GPM6A: variants seen among roughly 807,000 people sequenced by gnomAD.
The protein encoded by GPM6A is neuronal membrane glycoprotein M6-a.
GPM6A carries 7 observed loss-of-function variants against 32.1 expected under a neutral mutation model. The observed-to-expected ratio is 0.22, with a 90% CI of 0.12 to 0.41. GPM6A has a LOEUF of 0.41. GPM6A is among the 10% of genes least tolerant of loss of function. The pLI is 1.00. For missense variants in GPM6A, 235 were observed against 347.2 expected, an observed-to-expected ratio of 0.68 and a Z score of 2.57; for synonymous variants, 130 against 123.4, an observed-to-expected ratio of 1.05 and a Z score of -0.35.
chr4:175,909,458 TTAATA>T (rs999086807), intron 1 of GPM6A, among the ~76,000 whole-genome samples: 2 of 152,170 alleles, frequency 1.3e-5, no homozygotes, highest in Non-Finnish European at 2.9e-5. Context: ...TAAACTGTTA[TTAATA>T]TATTTGTTTA....
chr4:175,842,174 A>G (rs1735957827), intron 1 of GPM6A, among the ~76,000 whole-genome samples: 1 of 152,144 alleles, frequency 6.6e-6, no homozygotes, highest in African/African-American at 2.4e-5. Flanking sequence ...TTTGTACAGA[A>G]TTCCTTTTTC....
At chr4:175,986,808 C>G (rs1229500013) in intron 1 of GPM6A, among the ~76,000 whole-genome samples, 1 of 152,118 alleles carries the variant, frequency 6.6e-6, no homozygotes, top group African/African-American at 2.4e-5. Flanking sequence ...AAGAGCCCCA[C>G]CCCCTAATTG....
intron 6 of GPM6A, among the ~76,000 whole-genome samples, chr4:175,637,286 T>A (rs1334319871): frequency 3.5e-5 from 1 of 28,644 alleles, no homozygotes; most frequent in African/African-American, 1.2e-4. Context: ...ATATATTATA[T>A]AAAATATATA....
In GPM6A at chr4:175,795,139, T is replaced by C. The variant is rs112369642; in HGVS notation, c.37+17052A>G. ...ATATAGAGGAAAGTGTGAAAGGCAT[T>C]AGTAATGACCTGTAAACTTCTAGCT... On this transcript the variant is annotated intron_variant, in intron 1 of 6. Transcript: ENST00000393658. Among the ~76,000 whole-genome samples, 1,483 of 152,256 alleles carry C rather than the reference T, an allele frequency of 9.7e-3. 20 individuals carry two copies. Among genetic ancestry groups the C allele is most frequent in the African/African-American group, 0.032 (1,333 of 41,536 alleles).
Position 175,719,966 on chromosome 4 carries a change from T to C in GPM6A, c.38-18199A>G, listed in dbSNP as rs574665399. On this transcript the variant is annotated intron_variant, in intron 1 of 6. Coordinates refer to ENST00000393658, the MANE Select transcript of GPM6A (RefSeq NM_201591.3). ...GTTATAGAAGAAACGTCGATTTTATTTGAACCAAGCATAAGCCTGTCATTT... is the reference window on the plus strand; with the variant it reads ...GTTATAGAAGAAACGTCGATTTTATCTGAACCAAGCATAAGCCTGTCATTT... Among the ~76,000 whole-genome samples, 23 of 152,318 alleles carry C rather than the reference T, an allele frequency of 1.5e-4. 1 individual carries two copies. Among genetic ancestry groups the C allele is most frequent in the African/African-American group, 5.3e-4 (22 of 41,586 alleles).
chr4:175,700,578 T>C (rs1744821708), intron 2 of GPM6A, among the ~76,000 whole-genome samples: 1 of 152,188 alleles, frequency 6.6e-6, no homozygotes. Flanking sequence ...GATTTGTAAA[T>C]CTAAAAGCAT....
intron 1 of GPM6A, among the ~76,000 whole-genome samples, chr4:175,722,773 G>A (rs1408640423): frequency 6.6e-6 from 1 of 152,092 alleles, no homozygotes; most frequent in Admixed American, 6.6e-5. Context: ...ACCAGCCGTC[G>A]TGGCTCATAC....
chr4:175,660,093 G>A (rs554201037), intron 3 of GPM6A, among the ~76,000 whole-genome samples: 1 of 152,024 alleles, frequency 6.6e-6, no homozygotes, highest in East Asian at 1.9e-4. Context: ...TTTTGGGGGA[G>A]AGCAAAATTA....
chr4:175,916,284 C>A (rs1277625472), intron 1 of GPM6A, among the ~76,000 whole-genome samples: 5 of 152,134 alleles, frequency 3.3e-5, no homozygotes, highest in Non-Finnish European at 7.4e-5. Flanking sequence ...TATACAAATA[C>A]AAAAGTCTAC....
At chr4:175,904,530 T>C (rs566070734) in intron 1 of GPM6A, among the ~76,000 whole-genome samples, 2 of 152,224 alleles carry the variant, frequency 1.3e-5, no homozygotes, top group African/African-American at 4.8e-5. Flanking sequence ...TTGAGATTTT[T>C]CTAAAAAAAT....
At chr4:175,975,561 A>G (rs893312945) in intron 1 of GPM6A, among the ~76,000 whole-genome samples, 3 of 152,236 alleles carry the variant, frequency 2.0e-5, no homozygotes, top group Non-Finnish European at 2.9e-5. Context: ...CAACCAAAAA[A>G]TCCAGACTTC....
chr4:175,858,279 C>T (rs1363284477), intron 1 of GPM6A, among the ~76,000 whole-genome samples: 1 of 152,102 alleles, frequency 6.6e-6, no homozygotes, highest in Non-Finnish European at 1.5e-5. Flanking sequence ...TGCCTGTAAT[C>T]CCAGCACTTT....
chr4:175,636,966 A>G (rs1241324747), intron 6 of GPM6A, among the ~76,000 whole-genome samples: 1 of 133,826 alleles, frequency 7.5e-6, no homozygotes, highest in Non-Finnish European at 1.6e-5. Flanking sequence ...GTATTTATAT[A>G]TATTTATATA....
At chr4:175,947,331 C>T (rs1322090608) in intron 1 of GPM6A, among the ~76,000 whole-genome samples, 7 of 151,862 alleles carry the variant, frequency 4.6e-5, no homozygotes, top group African/African-American at 1.7e-4. Flanking sequence ...GGGAAAACTT[C>T]GACTGAAGAA....
rs572123350 is a variant in GPM6A at position 175,876,515 on chromosome 4, G to C, written c.-22-64266C>G. On this transcript the variant is annotated intron_variant, in intron 1 of 7. Transcript: ENST00000280187. ...AGTTTTTACTTCTGTTTTTGGAGGA[G>C]ATACATTTCTTTCTGGAAGCTGTCT... Among the ~76,000 whole-genome samples, 24 of 152,242 alleles carry C rather than the reference G, an allele frequency of 1.6e-4. No homozygotes were observed. In the South Asian group the frequency reaches 2.3e-3, roughly 14 times the overall value.
At chr4:175,678,042 T>C (rs932356639) in intron 2 of GPM6A, among the ~76,000 whole-genome samples, 3 of 152,172 alleles carry the variant, frequency 2.0e-5, no homozygotes, top group African/African-American at 7.2e-5. Flanking sequence ...AAAAACAGCG[T>C]ATACGTCTTG....
chr4:175,673,800 T>G lies in GPM6A; in HGVS notation c.267A>C (p.Ala89=). ...DIFKYVIYGI[A]AAFFVYGILL... ...AAATGCCATACACAAAGAACGCAGC[T>G]GCGATGCCGTAGATCACATACTTAA... The change falls in exon 3 of 7, where the codon GCA becomes GCC. Residue 89 remains alanine (A), a synonymous_variant. Coordinates refer to ENST00000393658, the MANE Select transcript of GPM6A (RefSeq NM_201591.3). 1 of 1,611,032 alleles carries G rather than the reference T, an allele frequency of 6.2e-7. No individual in the cohort carries two copies. The highest frequency in any genetic ancestry group is 8.5e-7 in the Non-Finnish European group (1 of 1,177,676).
intron 1 of GPM6A, among the ~76,000 whole-genome samples, chr4:175,794,407 A>C (rs1240563534): frequency 6.6e-6 from 1 of 152,186 alleles, no homozygotes; most frequent in Admixed American, 6.5e-5. Flanking sequence ...GATCTTCTGT[A>C]GTTTAAATAT....
chr4:175,885,030 C>T (rs1033485165), intron 1 of GPM6A, among the ~76,000 whole-genome samples: 5 of 152,080 alleles, frequency 3.3e-5, no homozygotes, highest in Non-Finnish European at 7.4e-5. Flanking sequence ...ATTAGCAATT[C>T]CGCTCTATAG....
Sources: gnomAD v4.1 joint callset for allele counts (sites outside exome capture counted in the v4.1 genomes callset) on GRCh38, gnomAD v4.1.1 for gene constraint, MANE v1.5 for transcripts, NCBI Gene and HGNC (gene_info 2026-07-23, HGNC 2026-07-21) for gene names.